FECH: variants seen among roughly 807,000 people sequenced by gnomAD.
The protein encoded by FECH is ferrochelatase, mitochondrial.
In FECH, 40 loss-of-function variants were observed where a neutral mutation model predicts 56.9. The ratio of observed to expected loss-of-function variants is 0.70; its 90% CI spans 0.55 to 0.92. FECH has a LOEUF of 0.92. FECH is among the 40% of genes least tolerant of loss of function. The pLI is 0.00. For missense variants in FECH, 431 were observed against 529.1 expected, an observed-to-expected ratio of 0.81 and a Z score of 1.82; for synonymous variants, 175 against 198.6, an observed-to-expected ratio of 0.88 and a Z score of 1.00.
In FECH at chr18:57,580,155, A is replaced by C. The variant is rs2051255745; in HGVS notation, c.112T>G (p.Ser38Ala). 5.6e-6 allele frequency: 9 copies of C among 1,614,144 alleles called. No homozygotes were observed. The highest frequency in any genetic ancestry group is 7.6e-6 in the Non-Finnish European group (9 of 1,180,022). The stretch of plus-strand genomic sequence containing the variant: ...GTGACGGCCGCTGCAGCTGCACCTG[A>C]CTTCCACCTCCATGGCTGACAGACC... Reference protein sequence around the residue: ...WRVCQPWRWKSGAAAAAVTTE... With the variant: ...WRVCQPWRWKAGAAAAAVTTE... The change falls in exon 2 of 11, where the codon TCA (serine) becomes GCA (alanine). Residue 38 changes from serine to alanine, a missense_variant. Ser to Ala is a moderately conservative substitution (Grantham distance 99, BLOSUM62 1). Coordinates refer to ENST00000262093, the MANE Select transcript of FECH (RefSeq NM_000140.5).
intron 5 of FECH, among the ~76,000 whole-genome samples, chr18:57,564,400 T>C (rs904607724): frequency 6.6e-6 from 1 of 152,196 alleles, no homozygotes; most frequent in Admixed American, 6.5e-5. Context: ...GAGTTAGCAT[T>C]GGGGTCACAC....
At chr18:57,562,776 CA>C in intron 6 of FECH, 97 bp downstream of exon 6, 1 of 853,998 alleles carries the variant, frequency 1.2e-6, no homozygotes, top group Non-Finnish European at 2.0e-6. Context: ...AGCAAGGGAA[CA>C]GTAAGGCTCA....
At chr18:57,581,897 TA>T (rs1386287720) in intron 1 of FECH, among the ~76,000 whole-genome samples, 2 of 152,176 alleles carry the variant, frequency 1.3e-5, no homozygotes, top group Non-Finnish European at 2.9e-5. Flanking sequence ...TACACATTCC[TA>T]GCACAGCCAA....
chr18:57,579,943 A>G, intron 2 of FECH, 130 bp downstream of exon 2: 10 of 1,270,474 alleles, frequency 7.9e-6, no homozygotes, highest in Non-Finnish European at 1.1e-5. Context: ...CAGCTATTGA[A>G]AGGAAGCCAA....
At position 57,545,702 on chromosome 18, in the gene FECH, T is replaced by C. The variant is rs1230503860; in HGVS notation, c.*5010A>G. On this transcript the variant is annotated 3_prime_UTR_variant, in exon 11 of 11. Transcript: ENST00000262093. ...GTACCCACCACTTGGCTGAGTGCTA[T>C]ATAGCTCTACACACTTTATATTTTG... is the stretch of plus-strand genomic sequence containing the variant. 6.6e-6 allele frequency among the ~76,000 whole-genome samples: 1 copy of C among 152,006 alleles called. No homozygotes were observed. Among genetic ancestry groups the C allele is most frequent in the East Asian group, 1.9e-4 (1 of 5,164 alleles).
chr18:57,554,506 C>T (rs1356649103), intron 8 of FECH, 82 bp from the exon 9 acceptor site: 39 of 1,458,684 alleles, frequency 2.7e-5, no homozygotes, highest in Non-Finnish European at 3.3e-5. Context: ...CCTGGGCACA[C>T]GCACTGCCCA....
At chr18:57,575,652 C>A (rs552156) in intron 2 of FECH, among the ~76,000 whole-genome samples, 152,117 of 152,322 alleles carry the variant, frequency 1, 75,956 homozygotes, top group Non-Finnish European at 1. Context: ...CATGTGGCCC[C>A]GACTGGTCTC....
rs547604379 is a variant in FECH, at chr18:57,546,271, C to T, written c.*4441G>A. On this transcript the variant is annotated 3_prime_UTR_variant, in exon 11 of 11. Transcript: ENST00000262093. The stretch of plus-strand genomic sequence containing the variant: ...GCCTTCACGTGCCCCCGTGCGCACA[C>T]ATAGACGTTCGCTTACAGCTGCCAG... Among the ~76,000 whole-genome samples the T allele has an allele frequency of 1.3e-5, 2 of 152,328 alleles. No homozygotes were observed. Among genetic ancestry groups the T allele is most frequent in the South Asian group, 2.1e-4 (1 of 4,826 alleles).
chr18:57,571,086 T>G (rs1003692091), intron 4 of FECH, among the ~76,000 whole-genome samples: 1 of 152,266 alleles, frequency 6.6e-6, no homozygotes, highest in Non-Finnish European at 1.5e-5. Flanking sequence ...TATATGCATC[T>G]TTCTTTCATG....
chr18:57,580,538 G>A (rs977641150), intron 1 of FECH, among the ~76,000 whole-genome samples: 3 of 143,240 alleles, frequency 2.1e-5, no homozygotes, highest in Non-Finnish European at 4.6e-5. Flanking sequence ...TGCTGCTCCT[G>A]TGGAAGGAGA....
At position 57,550,751 on chromosome 18, in the gene FECH, G is replaced by T; in HGVS notation, c.1233C>A (p.Cys411Ter). 1.9e-6 allele frequency: 3 copies of T among 1,614,158 alleles called. No homozygotes were observed. The highest frequency in any genetic ancestry group is 2.5e-6 in the Non-Finnish European group (3 of 1,180,018). ...TGGTGAAGAAGGATTTAGTCTCCCT[G>T]CAGACAGGATTGACACAGAGCGGAC... ...LSCPLCVNPVCRETKSFFTSQ... is the reference protein window; with the variant it reads ...LSCPLCVNPV The change falls in exon 11 of 11, where the codon TGC becomes TGA. Residue 411 changes from cysteine to a stop codon, truncating the protein, a stop_gained. Transcript: ENST00000262093. LOFTEE classifies it high-confidence loss of function.
At chr18:57,552,193 T>G (rs141132202) in intron 9 of FECH, among the ~76,000 whole-genome samples, 1 of 151,898 alleles carries the variant, frequency 6.6e-6, no homozygotes, top group African/African-American at 2.4e-5. Flanking sequence ...CTGAAATATA[T>G]TCTTATGGAG....
In FECH at chr18:57,571,556, T is replaced by C. The variant is rs768593153; in HGVS notation, c.315-16A>G. ...TGCCAGCTTACTAAATCATTTAACATACAGGTAAGTGGATTTTATTCCAGC... is the reference window on the plus strand; with the variant it reads ...TGCCAGCTTACTAAATCATTTAACACACAGGTAAGTGGATTTTATTCCAGC... On this transcript the variant is annotated splice_polypyrimidine_tract_variant and intron_variant, in intron 3 of 10. Transcript: ENST00000262093. 2.5e-6 allele frequency: 4 copies of C among 1,614,126 alleles called. No homozygotes were observed. Among genetic ancestry groups the C allele is most frequent in the African/African-American group, 1.3e-5 (1 of 75,026 alleles).
chr18:57,575,503 CACAA>C (rs1375743016), intron 2 of FECH, among the ~76,000 whole-genome samples: 1 of 152,120 alleles, frequency 6.6e-6, no homozygotes, highest in East Asian at 1.9e-4. Context: ...AGTGCAGTTG[CACAA>C]ACAAAGCTCA....
chr18:57,574,634 C>T (rs1294333354), intron 2 of FECH, among the ~76,000 whole-genome samples: 4 of 152,364 alleles, frequency 2.6e-5, no homozygotes, highest in East Asian at 3.9e-4. Flanking sequence ...AGGCCAGGAG[C>T]TCCCCACTCC....
intron 2 of FECH, among the ~76,000 whole-genome samples, chr18:57,573,955 CCTGT>C (rs1396627247): frequency 6.6e-6 from 1 of 152,198 alleles, no homozygotes; most frequent in African/African-American, 2.4e-5. Context: ...TGCATCTGCT[CCTGT>C]CTCTTTAGTC....
chr18:57,573,449 T>C, intron 2 of FECH, 84 bp from the exon 3 acceptor site: 1 of 1,494,664 alleles, frequency 6.7e-7, no homozygotes, highest in Non-Finnish European at 9.3e-7. Context: ...CAGCAAACTC[T>C]AATCTGTTCC....
intron 2 of FECH, among the ~76,000 whole-genome samples, chr18:57,574,062 T>C (rs924335219): frequency 3.3e-5 from 5 of 152,232 alleles, no homozygotes; most frequent in African/African-American, 1.2e-4. Context: ...TGGAGTGCAG[T>C]GGTGCAATCT....
intron 7 of FECH, among the ~76,000 whole-genome samples, chr18:57,555,924 T>A (rs923764329): frequency 1.3e-5 from 2 of 151,932 alleles, no homozygotes; most frequent in African/African-American, 2.4e-5. Flanking sequence ...AGGTCAGGAG[T>A]TCGAGACCAG....
Sources: allele counts gnomAD v4.1 joint callset (sites outside exome capture counted in the v4.1 genomes callset), GRCh38; gene constraint gnomAD v4.1.1; transcripts MANE v1.5; gene names NCBI Gene and HGNC (gene_info 2026-07-23, HGNC 2026-07-21).